GCH1: variants seen among roughly 807,000 people sequenced by gnomAD.
GCH1 encodes the protein GTP cyclohydrolase 1.
In GCH1, 5 loss-of-function variants were observed where a neutral mutation model predicts 25.9. That is an observed-to-expected ratio of 0.19 (90% CI 0.10 to 0.41). The LOEUF is 0.41. GCH1 is among the 10% of genes least tolerant of loss of function. GCH1 has a pLI of 1.00. For missense variants in GCH1, 261 were observed against 336.5 expected, an observed-to-expected ratio of 0.78 and a Z score of 1.75; for synonymous variants, 159 against 129.6, an observed-to-expected ratio of 1.23 and a Z score of -1.54.
At chr14:54,847,682 A>G (rs967237272) in intron 3 of GCH1, among the ~76,000 whole-genome samples, 1 of 151,642 alleles carries the variant, frequency 6.6e-6, no homozygotes, top group Admixed American at 6.6e-5. Context: ...ATATATATAT[A>G]TCTCCTATTA....
intron 1 of GCH1, among the ~76,000 whole-genome samples, chr14:54,898,252 A>G (rs2040515282): frequency 6.6e-6 from 1 of 152,196 alleles, no homozygotes; most frequent in African/African-American, 2.4e-5. Context: ...TTAGAAAGAC[A>G]TCTAAACATA....
intron 1 of GCH1, among the ~76,000 whole-genome samples, chr14:54,868,835 C>T (rs2040026360): frequency 6.6e-6 from 1 of 152,016 alleles, no homozygotes; most frequent in African/African-American, 2.4e-5. Context: ...CTCCTGACCT[C>T]GTGATCCACC....
chr14:54,867,691 G>A (rs920300240), intron 1 of GCH1, among the ~76,000 whole-genome samples: 2 of 148,764 alleles, frequency 1.3e-5, no homozygotes, highest in South Asian at 2.2e-4. Flanking sequence ...GCTATAAAAT[G>A]AGCATAAAGT....
intron 1 of GCH1, among the ~76,000 whole-genome samples, chr14:54,875,376 G>A (rs1314653499): frequency 9.9e-5 from 15 of 152,144 alleles, no homozygotes; most frequent in Non-Finnish European, 2.2e-4. Context: ...AACCCTAGAA[G>A]AAAACCTAGG....
chr14:54,880,601 TATATATATATACTCC>T (rs1251032503), intron 1 of GCH1, among the ~76,000 whole-genome samples: 2 of 35,314 alleles, frequency 5.7e-5, no homozygotes, highest in African/African-American at 2.8e-4. Flanking sequence ...ATATACTCCA[TATATATATATACTCC>T]ATATATATAT....
intron 1 of GCH1, among the ~76,000 whole-genome samples, chr14:54,869,188 G>C (rs984793555): frequency 6.6e-6 from 1 of 150,656 alleles, no homozygotes; most frequent in South Asian, 2.1e-4. Flanking sequence ...ACAGGCACGT[G>C]CCACCAAACT....
intron 2 of GCH1, among the ~76,000 whole-genome samples, chr14:54,862,379 C>T (rs67378907): frequency 0.17 from 9,801 of 57,830 alleles, 1,650 homozygotes; most frequent in African/African-American, 0.47. Flanking sequence ...AAGCACTACT[C>T]TTTTTTTTTT....
intron 1 of GCH1, among the ~76,000 whole-genome samples, chr14:54,887,625 G>A (rs1394861314): frequency 2.0e-5 from 3 of 152,242 alleles, no homozygotes; most frequent in African/African-American, 7.2e-5. Flanking sequence ...CTGAGGAAAT[G>A]TGAATATATA....
chr14:54,859,547 G>C, intron 3 of GCH1, 134 bp downstream of exon 3: 1 of 718,498 alleles, frequency 1.4e-6, no homozygotes, highest in South Asian at 1.5e-5. Flanking sequence ...GACCCTCCAA[G>C]TCTTTAAGTT....
chr14:54,875,309 T>C (rs1301932667), intron 1 of GCH1, among the ~76,000 whole-genome samples: 1 of 152,204 alleles, frequency 6.6e-6, no homozygotes, highest in African/African-American at 2.4e-5. Flanking sequence ...TTACACCTTA[T>C]ACAAAAATTA....
chr14:54,855,505 C>CAAAAAAAAAAA (rs764999718), intron 3 of GCH1, among the ~76,000 whole-genome samples: 1,619 of 36,360 alleles, frequency 0.045, 147 homozygotes, highest in East Asian at 0.056. Context: ...GACCCTGTCT[C>CAAAAAAAAAAA]AAAAAAAAAA....
intron 2 of GCH1, among the ~76,000 whole-genome samples, chr14:54,864,985 T>A (rs951300950): frequency 7.2e-5 from 11 of 151,880 alleles, no homozygotes; most frequent in African/African-American, 2.7e-4. Context: ...ATCTCTAGAT[T>A]GGGATGCTAA....
intron 5 of GCH1, among the ~76,000 whole-genome samples, chr14:54,845,064 T>C (rs1165319212): frequency 6.6e-6 from 1 of 151,800 alleles, no homozygotes; most frequent in African/African-American, 2.4e-5. Flanking sequence ...TCCCAGCTAT[T>C]TGGGAGGCTG....
intron 3 of GCH1, among the ~76,000 whole-genome samples, chr14:54,851,245 G>T (rs535822458): frequency 1.3e-5 from 2 of 152,146 alleles, no homozygotes; most frequent in Non-Finnish European, 2.9e-5. Context: ...ACACTTAAAT[G>T]TTAGACCTAA....
chr14:54,881,943 C>G (rs532458791), intron 1 of GCH1, among the ~76,000 whole-genome samples: 78 of 152,280 alleles, frequency 5.1e-4, no homozygotes, highest in African/African-American at 1.8e-3. Flanking sequence ...TCCTCTCAGC[C>G]AGCCTTGTCA....
Position 54,842,658 on chromosome 14 carries a change from G to GTAAT in GCH1, c.*1358_*1359insATTA. Reference sequence around the variant, plus strand: ...GACTAAAGTTAAAGCAAGCATCAAAGTTATTACTTTTAGGGTAATGGGATG... The same window carrying GTAAT: ...GACTAAAGTTAAAGCAAGCATCAAAGTAATTTATTACTTTTAGGGTAATGGGATG... On this transcript the variant is annotated 3_prime_UTR_variant, in exon 6 of 6. Transcript: ENST00000491895. 4.9e-6 allele frequency: 1 copy of GTAAT among 205,656 alleles called. No homozygotes were observed. The highest frequency in any genetic ancestry group is 9.6e-6 in the Non-Finnish European group (1 of 103,896). 12.7% of individuals were successfully genotyped at this position (205,656 alleles called of 1,614,324 possible).
chr14:54,883,325 T>C (rs2040298312), intron 1 of GCH1, among the ~76,000 whole-genome samples: 2 of 136,908 alleles, frequency 1.5e-5, no homozygotes, highest in South Asian at 4.6e-4. Flanking sequence ...TGAGCAGAGA[T>C]TGCGCCGCTG....
At chr14:54,875,950 G>C (rs943165776) in intron 1 of GCH1, among the ~76,000 whole-genome samples, 1 of 152,126 alleles carries the variant, frequency 6.6e-6, no homozygotes, top group Non-Finnish European at 1.5e-5. Context: ...GATTCCTCAG[G>C]GATCTAGAAC....
At chr14:54,874,576 T>C (rs549536352) in intron 1 of GCH1, among the ~76,000 whole-genome samples, 102 of 152,344 alleles carry the variant, frequency 6.7e-4, no homozygotes, top group African/African-American at 2.2e-3. Context: ...GATGACATGA[T>C]TGTATATCTA....
Sources: allele counts gnomAD v4.1 joint callset (sites outside exome capture counted in the v4.1 genomes callset), GRCh38; gene constraint gnomAD v4.1.1; transcripts MANE v1.5; gene names NCBI Gene and HGNC (gene_info 2026-07-23, HGNC 2026-07-21).